MLIP: variants seen among roughly 807,000 people sequenced by gnomAD.
MLIP encodes muscular LMNA-interacting protein.
MLIP carries 79 observed loss-of-function variants against 84.8 expected under a neutral mutation model. The ratio of observed to expected loss-of-function variants is 0.93; its 90% CI spans 0.78 to 1.12. MLIP has a LOEUF of 1.12. MLIP is among the 50% of genes most tolerant of loss of function. MLIP has a pLI of 0.00. For missense variants in MLIP, 1,257 were observed against 1,160.6 expected, an observed-to-expected ratio of 1.08 and a Z score of -1.21; for synonymous variants, 504 against 463.0, an observed-to-expected ratio of 1.09 and a Z score of -1.14.
At chr6:54,200,858 G>C (rs999884045) in intron 10 of MLIP, among the ~76,000 whole-genome samples, 6 of 152,196 alleles carry the variant, frequency 3.9e-5, no homozygotes, top group African/African-American at 1.4e-4. Context: ...GTATTGCAGA[G>C]TGACATTTAT....
At chr6:54,037,457 TAGAG>T (rs1205932510) in intron 1 of MLIP, among the ~76,000 whole-genome samples, 3 of 151,468 alleles carry the variant, frequency 2.0e-5, no homozygotes, top group Admixed American at 6.6e-5. Flanking sequence ...GTGTGTGTGA[TAGAG>T]AGGGAGAAAG....
At chr6:54,240,273 G>A (rs1352712723) in intron 12 of MLIP, among the ~76,000 whole-genome samples, 1 of 152,074 alleles carries the variant, frequency 6.6e-6, no homozygotes, top group Non-Finnish European at 1.5e-5. Context: ...TAGAATTTTG[G>A]TGCTGGAGTG....
rs373992443 is a variant in MLIP, at chr6:54,257,282, A to G, written c.2923-26A>G. 3.2e-6 allele frequency: 5 copies of G among 1,586,200 alleles called. No homozygotes were observed. In the African/African-American group the frequency reaches 5.4e-5, roughly 17 times the overall value. ...TTTTTTCTCACTTCTACTCCTGATC[A>G]TATCCTGGGCATCTTTTCTGTGAAG... On this transcript the variant is annotated intron_variant, in intron 12 of 13. Coordinates refer to ENST00000502396, the MANE Select transcript of MLIP (RefSeq NM_001281747.2).
chr6:54,132,651 A>AAAC (rs934527679), intron 3 of MLIP, among the ~76,000 whole-genome samples: 2 of 152,212 alleles, frequency 1.3e-5, no homozygotes, highest in Admixed American at 6.6e-5. Flanking sequence ...GCCAAGGTCC[A>AAAC]AACAACAACA....
chr6:54,124,508 G>A lies in MLIP; in HGVS notation c.288G>A (p.Gly96=). The A allele has an allele frequency of 6.2e-7, 1 of 1,614,012 alleles. No individual in the cohort carries two copies. Among genetic ancestry groups the A allele is most frequent in the Non-Finnish European group, 8.5e-7 (1 of 1,179,982 alleles). The part of the protein sequence containing the change: ...KSNDYLTLNA[G]SQQERDQAKL... ...ATGACTACTTGACCTTGAATGCTGGGAGCCAACAAGAGAGAGACCAAGCGA... is the reference window on the plus strand; with the variant it reads ...ATGACTACTTGACCTTGAATGCTGGAAGCCAACAAGAGAGAGACCAAGCGA... The change falls in exon 3 of 14, where the codon GGG becomes GGA. Residue 96 remains glycine, a synonymous_variant. Coordinates refer to ENST00000502396, the MANE Select transcript of MLIP (RefSeq NM_001281747.2).
At chr6:54,134,431 T>C (rs1443408829) in intron 3 of MLIP, among the ~76,000 whole-genome samples, 1 of 151,950 alleles carries the variant, frequency 6.6e-6, no homozygotes, top group Non-Finnish European at 1.5e-5. Flanking sequence ...ATATGTTGCA[T>C]ATACTTATTA....
intron 12 of MLIP, among the ~76,000 whole-genome samples, chr6:54,233,177 CT>C (rs900953701): frequency 6.6e-6 from 1 of 151,900 alleles, no homozygotes; most frequent in Non-Finnish European, 1.5e-5. Flanking sequence ...ACTTTCTTTT[CT>C]TTTTTTTGTT....
At chr6:54,061,122 TAGAAAC>T (rs1401450643) in intron 1 of MLIP, among the ~76,000 whole-genome samples, 1 of 152,184 alleles carries the variant, frequency 6.6e-6, no homozygotes, top group Non-Finnish European at 1.5e-5. Context: ...TCTGGAACTC[TAGAAAC>T]AGTAACCAAC....
At chr6:54,104,920 A>G (rs1768903629) in intron 1 of MLIP, among the ~76,000 whole-genome samples, 1 of 152,136 alleles carries the variant, frequency 6.6e-6, no homozygotes, top group Non-Finnish European at 1.5e-5. Context: ...TGACTGTGAG[A>G]CACCTCCAAA....
intron 12 of MLIP, among the ~76,000 whole-genome samples, chr6:54,235,125 T>A (rs938668387): frequency 2.0e-5 from 3 of 152,224 alleles, no homozygotes; most frequent in Non-Finnish European, 4.4e-5. Context: ...ACTTGATTCA[T>A]CTGTTATGCT....
chr6:54,142,904 A>G (rs1369779875), intron 4 of MLIP, among the ~76,000 whole-genome samples: 2 of 151,464 alleles, frequency 1.3e-5, no homozygotes, highest in Admixed American at 6.6e-5. Context: ...GTGAAATGAA[A>G]AAAACAACAA....
intron 3 of MLIP, among the ~76,000 whole-genome samples, chr6:54,135,132 A>G (rs1220286438): frequency 6.6e-6 from 1 of 152,124 alleles, no homozygotes; most frequent in Non-Finnish European, 1.5e-5. Context: ...CCCAGCTAGT[A>G]GTGTTTGGAT....
At chr6:54,189,496 A>G (rs1330626519) in intron 9 of MLIP, among the ~76,000 whole-genome samples, 3 of 152,190 alleles carry the variant, frequency 2.0e-5, no homozygotes, top group Non-Finnish European at 4.4e-5. Flanking sequence ...ATAAATAGAA[A>G]TAGCAACGAT....
In MLIP at chr6:54,203,385, A is replaced by C. The variant is rs1294377828; in HGVS notation, c.2718+1152A>C. Among the ~76,000 whole-genome samples the C allele has an allele frequency of 2.0e-5, 3 of 152,116 alleles. 1 individual carries two copies. The highest frequency in any genetic ancestry group is 2.0e-4 in the Admixed American group (3 of 15,274). ...ATCATATTTTATAATCCATAATAAA[A>C]TAGATTTAGGAATATAAGGTGTTAT... is the stretch of plus-strand genomic sequence containing the variant. On this transcript the variant is annotated intron_variant, in intron 11 of 13. Coordinates refer to ENST00000502396, the MANE Select transcript of MLIP (RefSeq NM_001281747.2).
intron 9 of MLIP, among the ~76,000 whole-genome samples, chr6:54,183,890 G>A (rs1777140729): frequency 1.3e-5 from 2 of 151,824 alleles, no homozygotes; most frequent in South Asian, 2.1e-4. Context: ...AGTAAGGAAG[G>A]CATGATGTGT....
chr6:54,068,096 TC>T (rs1561905288), intron 1 of MLIP, among the ~76,000 whole-genome samples: 7 of 38,612 alleles, frequency 1.8e-4, no homozygotes, highest in African/African-American at 2.4e-4. Flanking sequence ...TCTTTTTCTC[TC>T]TCCCTCCCTC....
chr6:54,075,209 T>C (rs1474104194), intron 1 of MLIP, among the ~76,000 whole-genome samples: 3 of 136,284 alleles, frequency 2.2e-5, no homozygotes, highest in Non-Finnish European at 4.6e-5. Flanking sequence ...ATCAGGCCAT[T>C]GCACTCCAGC....
intron 1 of MLIP, among the ~76,000 whole-genome samples, chr6:54,085,615 G>A (rs1767436271): frequency 6.6e-6 from 1 of 152,154 alleles, no homozygotes; most frequent in Non-Finnish European, 1.5e-5. Flanking sequence ...TGAGATTAAA[G>A]GGTGGAAGCC....
chr6:54,124,154 C>T (rs535192686), intron 2 of MLIP, among the ~76,000 whole-genome samples: 3 of 152,278 alleles, frequency 2.0e-5, no homozygotes, highest in African/African-American at 4.8e-5. Context: ...ATTTGTTTCA[C>T]AAATGTCTTC....
Sources: allele counts gnomAD v4.1 joint callset (sites outside exome capture counted in the v4.1 genomes callset), GRCh38; gene constraint gnomAD v4.1.1; transcripts MANE v1.5; gene names NCBI Gene and HGNC (gene_info 2026-07-23, HGNC 2026-07-21).